CDK12: variants seen among roughly 807,000 people sequenced by gnomAD.
CDK12 encodes cyclin dependent kinase 12.
CDK12 carries 17 observed loss-of-function variants against 133.8 expected under a neutral mutation model. The observed-to-expected ratio is 0.13, with a 90% confidence interval of 0.09 to 0.19. The LOEUF is 0.19. Among genes scored for constraint, CDK12 ranks in the 10% least tolerant of loss-of-function variants. The pLI, the probability that CDK12 is intolerant of heterozygous loss-of-function variation, is 1.00. For synonymous variants in CDK12, 694 were observed against 683.6 expected, an observed-to-expected ratio of 1.02 and a Z score of -0.24; for missense variants, 1,508 against 1,818.7, an observed-to-expected ratio of 0.83 and a Z score of 3.11.
chr17:39,466,810 A>G (rs1281982109), intron 1 of CDK12, among the ~76,000 whole-genome samples: 1 of 151,862 alleles, frequency 6.6e-6, no homozygotes, highest in Non-Finnish European at 1.5e-5. Flanking sequence ...AGAGAGCATT[A>G]TATGTTTGTA....
chr17:39,514,489 C>G (rs2053675769), intron 8 of CDK12, among the ~76,000 whole-genome samples: 2 of 151,812 alleles, frequency 1.3e-5, no homozygotes, highest in Non-Finnish European at 2.9e-5. Flanking sequence ...AAATTTCAGG[C>G]ACGTAACAAA....
upstream of CDK12, among the ~76,000 whole-genome samples, chr17:39,545,124 C>T (rs2055622029): frequency 6.6e-6 from 1 of 152,208 alleles, no homozygotes; most frequent in Admixed American, 6.5e-5. Flanking sequence ...TGTTCCTCTA[C>T]AGTGGGTTGC....
chr17:39,513,887 A>AC (rs1225583561), intron 8 of CDK12, among the ~76,000 whole-genome samples: 1 of 152,184 alleles, frequency 6.6e-6, no homozygotes, highest in Admixed American at 6.5e-5. Flanking sequence ...GCAAATTAGA[A>AC]TCGAGGAGAA....
intron 8 of CDK12, among the ~76,000 whole-genome samples, chr17:39,514,819 A>T (rs35550184): frequency 0.052 from 7,902 of 152,180 alleles, 665 homozygotes; most frequent in African/African-American, 0.18. Flanking sequence ...AACCATCAAC[A>T]CAGCCAAGAT....
chr17:39,563,152 G>C (rs1468073196), intron 3 of CDK12, among the ~76,000 whole-genome samples: 1 of 151,820 alleles, frequency 6.6e-6, no homozygotes, highest in Non-Finnish European at 1.5e-5. Flanking sequence ...ATTCTACTGC[G>C]ATCCAAAACA....
Position 39,461,848 on chromosome 17 carries a change from C to G in CDK12, c.-224C>G. On this transcript the variant is annotated 5_prime_UTR_variant, in exon 1 of 14. Coordinates refer to ENST00000447079, the MANE Select transcript of CDK12 (RefSeq NM_016507.4). ...TCCCCGTTGTCTCGCAACTCCACTG[C>G]CGAGGAACTCTCATTTCTTCCCTCG... 1.7e-6 allele frequency: 1 copy of G among 577,030 alleles called. No individual in the cohort carries two copies. 35.7% of individuals were successfully genotyped at this position (577,030 alleles called of 1,614,324 possible). A position where few individuals can be genotyped will look rare whatever the true frequency, so the allele number is the denominator to read the frequency against.
intron 2 of CDK12, among the ~76,000 whole-genome samples, chr17:39,472,048 A>G (rs956537964): frequency 6.6e-6 from 1 of 152,086 alleles, no homozygotes; most frequent in Non-Finnish European, 1.5e-5. Context: ...CAGTGGCGTC[A>G]TCTCAGCTTA....
chr17:39,523,639 T>C (rs984164972), intron 11 of CDK12, among the ~76,000 whole-genome samples: 6 of 152,144 alleles, frequency 3.9e-5, no homozygotes, highest in African/African-American at 1.4e-4. Flanking sequence ...ATCTGATTGC[T>C]CCAAAGAAAT....
In CDK12 at chr17:39,531,715, A is replaced by G. The variant is rs1054488; in HGVS notation, c.*399A>G. The G allele has an allele frequency of 0.8, 193,879 of 242,252 alleles. 78,251 individuals carry two copies. The highest frequency in any genetic ancestry group is 0.92 in the South Asian group (5,159 of 5,618). 15.0% of individuals were successfully genotyped at this position (242,252 alleles called of 1,614,324 possible). A position where few individuals can be genotyped will look rare whatever the true frequency, so the allele number is the denominator to read the frequency against. ...GATTTTTAAAGTTTTGGGGTGGGGGATTGTGTGTGGTTTCTTTCTTTTGAA... is the reference window on the plus strand; with the variant it reads ...GATTTTTAAAGTTTTGGGGTGGGGGGTTGTGTGTGGTTTCTTTCTTTTGAA... On this transcript the variant is annotated 3_prime_UTR_variant, in exon 14 of 14. Coordinates refer to ENST00000447079, the MANE Select transcript of CDK12 (RefSeq NM_016507.4).
chr17:39,471,791 C>A lies in CDK12; in HGVS notation c.1931+28C>A, dbSNP rs546048315. 1.6e-5 allele frequency: 25 copies of A among 1,551,504 alleles called. No individual in the cohort carries two copies. In the East Asian group the frequency reaches 4.1e-4, roughly 25 times the overall value. On this transcript the variant is annotated intron_variant, in intron 2 of 13. Transcript: ENST00000447079. ...AAGTCCTATAGTGAACTGGAAAAAA[C>A]CCCCTTGATCTAAACATAAAGCATT...
Position 39,490,573 on chromosome 17 carries a change from C to A in CDK12, c.1948C>A (p.Pro650Thr). The A allele has an allele frequency of 6.2e-7, 1 of 1,608,890 alleles. No homozygotes were observed. Among genetic ancestry groups the A allele is most frequent in the South Asian group, 1.1e-5 (1 of 90,500 alleles). Residue 650 changes from proline to threonine, a missense_variant, in exon 3 of 14, where the codon CCT becomes ACT. Coordinates refer to ENST00000447079, the MANE Select transcript of CDK12 (RefSeq NM_016507.4). ...DDMDSPKETL[P>T]SKPVKKEKEQ... is the part of the protein sequence containing the mutation. ...ATTGTTTAGTCCAAAAGAAACTCTT[C>A]CTTCAAAACCTGTGAAGAAAGAGAA...
At chr17:39,506,322 C>T (rs2053124008) in intron 6 of CDK12, among the ~76,000 whole-genome samples, 1 of 147,750 alleles carries the variant, frequency 6.8e-6, no homozygotes, top group South Asian at 2.1e-4. Context: ...TCAAGCCCTT[C>T]TCCTGCCTCA....
chr17:39,501,346 T>C lies in CDK12; in HGVS notation c.2516T>C (p.Phe839Ser), dbSNP rs1422304449. Residue 839 changes from phenylalanine (F) to serine (S), a missense_variant, in exon 6 of 14, where the codon TTC becomes TCC. By Grantham distance (155) the Phe-to-Ser change is radical. This residue lies in a region of CDK12 where 21 missense variants were observed against 17.6 expected (regional missense o/e 1.19). Transcript: ENST00000447079. The stretch of plus-strand genomic sequence containing the variant: ...TTTTCTGAGGACCATATCAAGTCGT[T>C]CATGAAACAGCTAATGGAAGGATTG... ...VHFSEDHIKS[F>S]MKQLMEGLEY... 1.2e-6 allele frequency: 2 copies of C among 1,613,730 alleles called. No individual in the cohort carries two copies. Among genetic ancestry groups the C allele is most frequent in the Non-Finnish European group, 1.7e-6 (2 of 1,179,792 alleles).
At position 39,524,749 on chromosome 17, in the gene CDK12, C is replaced by G. The variant is rs1199416017; in HGVS notation, c.3171C>G (p.Val1057=). Residue 1057 remains valine (V), a synonymous_variant, in exon 12 of 14, where the codon GTC becomes GTG. Transcript: ENST00000447079. ...RRRQRQSGVV[V]EEPPPSKTSR... ...GTCAGCGACAAAGTGGTGTTGTAGT[C>G]GAAGAGCCACCTCCATCCAAAACTT... 1 of 1,614,120 alleles carries G rather than the reference C, an allele frequency of 6.2e-7. No individual in the cohort carries two copies. The highest frequency in any genetic ancestry group is 8.5e-7 in the Non-Finnish European group (1 of 1,180,036).
At chr17:39,524,001 A>G (rs2054340119) in intron 11 of CDK12, among the ~76,000 whole-genome samples, 1 of 152,228 alleles carries the variant, frequency 6.6e-6, no homozygotes, top group African/African-American at 2.4e-5. Flanking sequence ...GACTTGAAAC[A>G]TATAAGGGTT....
At chr17:39,529,881 G>A (rs1011850641) in intron 13 of CDK12, 2 of 151,474 alleles carry the variant, frequency 1.3e-5, no homozygotes, top group Admixed American at 6.6e-5. Context: ...TCATAGCATG[G>A]AAAAAAATGC....
chr17:39,489,727 C>T (rs143792360), intron 2 of CDK12, among the ~76,000 whole-genome samples: 3,361 of 136,394 alleles, frequency 0.025, 63 homozygotes, highest in Middle Eastern at 0.12. Flanking sequence ...CTTTTGATCT[C>T]GTGATCTGCC....
chr17:39,487,154 A>G (rs2051199904), intron 2 of CDK12, among the ~76,000 whole-genome samples: 1 of 152,232 alleles, frequency 6.6e-6, no homozygotes, highest in African/African-American at 2.4e-5. Flanking sequence ...TCAGATGATC[A>G]TTATCTACTC....
rs2053896195 is a variant in CDK12, at chr17:39,517,666, G to A, written c.2963+110G>A. Reference sequence around the variant, plus strand: ...TGTCCCAGTTTATCATGGCAACACAGTGTAGGAAAACATTTTAGTTTCGAA... The same window carrying A: ...TGTCCCAGTTTATCATGGCAACACAATGTAGGAAAACATTTTAGTTTCGAA... On this transcript the variant is annotated intron_variant, in intron 10 of 13. Transcript: ENST00000447079. 4.6e-6 allele frequency: 3 copies of A among 658,724 alleles called. No individual in the cohort carries two copies. The African/African-American group carries it at 5.4e-5, about 12-fold the overall frequency. 40.8% of individuals were successfully genotyped at this position (658,724 alleles called of 1,614,324 possible). A position where few individuals can be genotyped will look rare whatever the true frequency, so the allele number is the denominator to read the frequency against.
Sources: allele counts gnomAD v4.1 joint callset (sites outside exome capture counted in the v4.1 genomes callset), GRCh38; gene constraint gnomAD v4.1.1; regional missense constraint gnomAD v4.1.1; transcripts MANE v1.5; gene names NCBI Gene and HGNC (gene_info 2026-07-23, HGNC 2026-07-21).